The following PDE6D variants were observed in gnomAD, a reference collection of about 807,000 sequenced individuals.
PDE6D encodes the protein retinal rod rhodopsin-sensitive cGMP 3',5'-cyclic phosphodiesterase subunit delta.
In PDE6D, 10 loss-of-function variants were observed where a neutral mutation model predicts 21.9. The observed-to-expected ratio is 0.46, with a 90% confidence interval of 0.28 to 0.78. The LOEUF (loss-of-function observed/expected upper bound fraction) is 0.78. Ranked by LOEUF, PDE6D falls within the 30% of genes least tolerant of loss-of-function variation. PDE6D has a pLI of 0.12. For missense variants in PDE6D, 139 were observed against 184.8 expected (o/e 0.75, Z 1.44); for synonymous variants, 59 against 63.5 (o/e 0.93, Z 0.34).
intron 2 of PDE6D, among the ~76,000 whole-genome samples, chr2:231,738,556 T>C (rs2048721933): frequency 6.6e-6 from 1 of 152,156 alleles, no homozygotes; most frequent in South Asian, 2.1e-4. Context: ...TTTCTATCTT[T>C]GGGTATGTTC....
intron 1 of PDE6D, among the ~76,000 whole-genome samples, chr2:231,777,425 C>T (rs1477211378): frequency 2.0e-5 from 3 of 152,036 alleles, no homozygotes; most frequent in East Asian, 3.9e-4. Context: ...CCACCTAGGC[C>T]TCCCAAAGTG....
intron 1 of PDE6D, among the ~76,000 whole-genome samples, chr2:231,761,907 G>A (rs2048933070): frequency 6.6e-6 from 1 of 152,136 alleles, no homozygotes; most frequent in East Asian, 1.9e-4. Flanking sequence ...CATACCCTTG[G>A]GAACAGAAAG....
At chr2:231,762,338 G>GTT (rs1559327728) in intron 1 of PDE6D, among the ~76,000 whole-genome samples, 6 of 119,208 alleles carry the variant, frequency 5.0e-5, no homozygotes, top group Admixed American at 8.7e-5. Context: ...AAGGACTAAC[G>GTT]CTTTTTTTTT....
rs771083069 is a variant in PDE6D at position 231,739,291 on chromosome 2, A to G, written c.51-103T>C. 3.7e-6 allele frequency: 3 copies of G among 800,844 alleles called. No individual in the cohort carries two copies. The highest frequency in any genetic ancestry group is 2.7e-5 in the South Asian group (2 of 74,622). The allele number at this position is 800,844 out of a possible 1,614,324, so 49.6% of individuals were successfully genotyped here. ...CCCACCAACTCTTGTTTACTTTTTAAAAAGTTTGTCAAACTGCTCATTGCC... is the reference window on the plus strand; with the variant it reads ...CCCACCAACTCTTGTTTACTTTTTAGAAAGTTTGTCAAACTGCTCATTGCC... On this transcript the variant is annotated intron_variant, in intron 1 of 4. Coordinates refer to ENST00000287600, the MANE Select transcript of PDE6D (RefSeq NM_002601.4). This position sits in a 1 kb window ranked among gnomAD's most constrained non-coding sequence, Gnocchi z 4.2.
At chr2:231,777,627 C>T (rs2049067450) in intron 1 of PDE6D, among the ~76,000 whole-genome samples, 1 of 151,910 alleles carries the variant, frequency 6.6e-6, no homozygotes, top group Admixed American at 6.6e-5. Context: ...TATAATAATT[C>T]AATCAAATGT....
intron 1 of PDE6D, among the ~76,000 whole-genome samples, chr2:231,740,897 G>C (rs893092838): frequency 2.0e-5 from 3 of 151,652 alleles, no homozygotes; most frequent in Non-Finnish European, 2.9e-5. Context: ...CCAGCACTTT[G>C]GGAGGCTGAG....
At chr2:231,771,140 C>A (rs2049012718) in intron 1 of PDE6D, among the ~76,000 whole-genome samples, 1 of 151,388 alleles carries the variant, frequency 6.6e-6, no homozygotes, top group African/African-American at 2.4e-5. Flanking sequence ...TGTGCCTCAG[C>A]CTCCCAAATA....
intron 3 of PDE6D, 75 bp from the exon 4 acceptor site, chr2:231,737,367 A>C (rs952778309): frequency 1.4e-6 from 1 of 738,060 alleles, no homozygotes; most frequent in African/African-American, 1.7e-5. Context: ...CTCCCTCTCT[A>C]GAGTGAGCCT....
At chr2:231,777,273 T>C (rs745625850) in intron 1 of PDE6D, among the ~76,000 whole-genome samples, 6 of 152,228 alleles carry the variant, frequency 3.9e-5, no homozygotes, top group Admixed American at 1.3e-4. Context: ...ACAAAGCTTC[T>C]ACTGAATTCA....
chr2:231,738,642 G>A (rs1361352737), intron 2 of PDE6D, among the ~76,000 whole-genome samples: 8 of 152,218 alleles, frequency 5.3e-5, no homozygotes, highest in South Asian at 2.1e-4. Context: ...CTGGCTGGGC[G>A]TGGTGGCTCA....
At chr2:231,750,005 T>C (rs1162866807) in intron 1 of PDE6D, among the ~76,000 whole-genome samples, 1 of 152,102 alleles carries the variant, frequency 6.6e-6, no homozygotes, top group Admixed American at 6.5e-5. Context: ...TCAACTTGAA[T>C]TGTATCTCCC....
At chr2:231,734,838 C>T (rs1352257762) in intron 4 of PDE6D, among the ~76,000 whole-genome samples, 1 of 141,812 alleles carries the variant, frequency 7.1e-6, no homozygotes, top group Admixed American at 7.1e-5. Context: ...CAGAGCGAGA[C>T]TCCGTCTCAA....
At chr2:231,770,964 A>C (rs1235703356) in intron 1 of PDE6D, among the ~76,000 whole-genome samples, 1 of 151,642 alleles carries the variant, frequency 6.6e-6, no homozygotes. Context: ...AAAAAAAAAA[A>C]AACCCACAAA....
chr2:231,734,683 TATAAAAAA>T (rs2048681609), intron 4 of PDE6D, among the ~76,000 whole-genome samples: 2 of 135,540 alleles, frequency 1.5e-5, no homozygotes, highest in East Asian at 2.1e-4. Flanking sequence ...GTACTAAAAA[TATAAAAAA>T]AAAAAAATAG....
At chr2:231,755,400 T>C (rs1017549427) in intron 1 of PDE6D, among the ~76,000 whole-genome samples, 11 of 152,230 alleles carry the variant, frequency 7.2e-5, no homozygotes, top group Admixed American at 3.3e-4. Context: ...ATGACAATTC[T>C]GATTTCAGTC....
chr2:231,737,938 T>C (rs2106261021), intron 3 of PDE6D, 75 bp downstream of exon 3: 1 of 1,385,026 alleles, frequency 7.2e-7, no homozygotes, highest in Non-Finnish European at 1.0e-6. Context: ...AGCACTGCTT[T>C]AGTTCACTGG....
intron 2 of PDE6D, 125 bp downstream of exon 2, chr2:231,738,975 G>T: frequency 1.7e-6 from 1 of 603,990 alleles, no homozygotes; most frequent in Admixed American, 2.7e-5. Flanking sequence ...ACAACACATG[G>T]ATTAACATGC....
intron 1 of PDE6D, among the ~76,000 whole-genome samples, chr2:231,744,616 A>G (rs1338063763): frequency 6.6e-6 from 1 of 151,866 alleles, no homozygotes; most frequent in Non-Finnish European, 1.5e-5. Context: ...TATTTTTAGT[A>G]GCGATGGGGT....
intron 1 of PDE6D, among the ~76,000 whole-genome samples, chr2:231,765,500 T>C (rs1050447954): frequency 1.3e-5 from 2 of 152,160 alleles, no homozygotes; most frequent in East Asian, 1.9e-4. Flanking sequence ...ATAAATTATA[T>C]ATGGGCATGT....
Sources: gnomAD v4.1 joint callset for allele counts (sites outside exome capture counted in the v4.1 genomes callset) on GRCh38, gnomAD v4.1.1 for gene constraint, Gnocchi (gnomAD v3.1) non-coding constraint, MANE v1.5 for transcripts, NCBI Gene and HGNC (gene_info 2026-07-23, HGNC 2026-07-21) for gene names.